Variants in TDRD12 observed in about 807,000 individuals in gnomAD.
TDRD12 encodes putative ATP-dependent RNA helicase TDRD12.
In TDRD12, 158 loss-of-function variants were observed where a neutral mutation model predicts 133.5. The observed-to-expected ratio is 1.18, with a 90% confidence interval of 1.04 to 1.35. The LOEUF is 1.35. TDRD12 is among the 40% of genes most tolerant of loss of function. The pLI is 0.00. For missense variants in TDRD12, 1,443 were observed against 1,321.3 expected (o/e 1.09, Z -1.43); for synonymous variants, 460 against 477.9 (o/e 0.96, Z 0.49).
rs1252239260 is a variant in TDRD12 at position 32,816,913 on chromosome 19, G to T, written c.3315-1176G>T. ...CATATGAGAAGGTGCTGGAACTCCT[G>T]AGTCATCAGGGAGATGCAGATGAAA... On this transcript the variant is annotated intron_variant, in intron 26 of 27. Coordinates refer to ENST00000444215, the Ensembl canonical transcript of TDRD12. Among the ~76,000 whole-genome samples, 4 of 152,304 alleles carry T rather than the reference G, an allele frequency of 2.6e-5. No individual in the cohort carries two copies. The East Asian group carries it at 7.7e-4, about 29-fold the overall frequency.
intron 8 of TDRD12, among the ~76,000 whole-genome samples, chr19:32,761,396 C>T (rs1599869835): frequency 6.6e-6 from 1 of 152,158 alleles, no homozygotes; most frequent in African/African-American, 2.4e-5. Flanking sequence ...TCCCAAAGTG[C>T]TGGGATTACA....
chr19:32,781,404 C>T (rs1269863313), intron 11 of TDRD12, among the ~76,000 whole-genome samples: 1 of 152,208 alleles, frequency 6.6e-6, no homozygotes, highest in African/African-American at 2.4e-5. Flanking sequence ...CTGAGATTCT[C>T]TGCATCTTTC....
At chr19:32,767,512 T>C (rs1970333019) in intron 8 of TDRD12, among the ~76,000 whole-genome samples, 1 of 152,340 alleles carries the variant, frequency 6.6e-6, no homozygotes, top group African/African-American at 2.4e-5. Flanking sequence ...TTCTTTCTTT[T>C]TTTGAAAGAA....
Position 32,813,781 on chromosome 19 carries a change from G to C in TDRD12, c.3141+5G>C. The stretch of plus-strand genomic sequence containing the variant: ...ACAGTTTGGATTGATCCAATGGTAA[G>C]TACGCATTTTTTCTTAGAAATAAAT... On this transcript the variant is annotated splice_donor_5th_base_variant and intron_variant, in intron 25 of 27. Transcript: ENST00000444215. The C allele has an allele frequency of 3.3e-6, 5 of 1,503,200 alleles. No individual in the cohort carries two copies. The highest frequency in any genetic ancestry group is 4.5e-6 in the Non-Finnish European group (5 of 1,122,174). 93.1% of individuals were successfully genotyped at this position (1,503,200 alleles called of 1,614,324 possible). A position where few individuals can be genotyped will look rare whatever the true frequency, so the allele number is the denominator to read the frequency against.
chr19:32,818,325 A>G (rs1275237799), intron 27 of TDRD12, among the ~76,000 whole-genome samples, 168 bp downstream of exon 27: 1 of 152,166 alleles, frequency 6.6e-6, no homozygotes, highest in Non-Finnish European at 1.5e-5. Flanking sequence ...GGAGCAGAAC[A>G]CAGAGACCCG....
At chr19:32,808,545 G>A (rs1966894768) in intron 22 of TDRD12, among the ~76,000 whole-genome samples, 3 of 151,806 alleles carry the variant, frequency 2.0e-5, no homozygotes, top group Non-Finnish European at 2.9e-5. Flanking sequence ...TTGGAGGGAG[G>A]GCCCACCTAG....
chr19:32,821,369 AGTGTGTGTGTGTGTGTGT>A (rs59054756), downstream of TDRD12: 87 of 351,580 alleles, frequency 2.5e-4, 1 homozygote, highest in South Asian at 2.4e-3. Context: ...AGCTCAGCAG[AGTGTGTGTGTGTGTGTGT>A]GTGTGTGTGT....
In TDRD12 at chr19:32,744,784, GCTC is replaced by G. The variant is rs568946406; in HGVS notation, c.440+1891_440+1893del. On this transcript the variant is annotated intron_variant, in intron 4 of 27. Transcript: ENST00000444215. Reference sequence around the variant, plus strand: ...CATCAGCCCCATCCTCCCACCCGGTGCTCCTCCTCTTCTCCCTTCCCGGGACGA... The same window carrying G: ...CATCAGCCCCATCCTCCCACCCGGTGCTCCTCTTCTCCCTTCCCGGGACGA... 7.3e-3 allele frequency among the ~76,000 whole-genome samples: 1,105 copies of G among 152,158 alleles called. 18 individuals are homozygous for G. The highest frequency in any genetic ancestry group is 6.9e-3 in the Non-Finnish European group (472 of 68,010).
At chr19:32,761,476 C>G (rs1213425405) in intron 8 of TDRD12, among the ~76,000 whole-genome samples, 1 of 152,008 alleles carries the variant, frequency 6.6e-6, no homozygotes, top group Non-Finnish European at 1.5e-5. Flanking sequence ...TCCTGGGTCT[C>G]CTTGATTTTC....
Position 32,772,750 on chromosome 19 carries a change from C to T in TDRD12, c.866-3C>T. ...CTTTTTTATTACCATTTTTATTTTG[C>T]AGACAAAGCTGTAAAATGTAATATG... On this transcript the variant is annotated splice_region_variant and splice_polypyrimidine_tract_variant and intron_variant, in intron 8 of 27. Transcript: ENST00000444215. 5 of 1,483,100 alleles carry T rather than the reference C, an allele frequency of 3.4e-6. No individual in the cohort carries two copies. The highest frequency in any genetic ancestry group is 5.2e-5 in the East Asian group (2 of 38,360). The allele number at this position is 1,483,100 out of a possible 1,614,324, so 91.9% of individuals were successfully genotyped here. A position where few individuals can be genotyped will look rare whatever the true frequency, so the allele number is the denominator to read the frequency against.
chr19:32,798,649 T>G (rs73035335), intron 16 of TDRD12, among the ~76,000 whole-genome samples: 16,260 of 152,268 alleles, frequency 0.11, 1,091 homozygotes, highest in Middle Eastern at 0.17. Context: ...CATTCTTTCC[T>G]AGAGATTTCC....
In TDRD12 at chr19:32,811,443, C is replaced by T; in HGVS notation, c.3048+23C>T. 3 of 1,516,446 alleles carry T rather than the reference C, an allele frequency of 2.0e-6. No homozygotes were observed. The African/African-American group carries it at 4.1e-5, about 21-fold the overall frequency. The allele number at this position is 1,516,446 out of a possible 1,614,324, so 93.9% of individuals were successfully genotyped here. A position where few individuals can be genotyped will look rare whatever the true frequency, so the allele number is the denominator to read the frequency against. On this transcript the variant is annotated intron_variant, in intron 24 of 27. Coordinates refer to ENST00000444215, the Ensembl canonical transcript of TDRD12. The stretch of plus-strand genomic sequence containing the variant: ...AAGGTGGGTGATTTTGGCTTTTTAT[C>T]TATTGTTGACTTTTAGAATATATTT...
At chr19:32,752,313 G>A (rs1231779371) in intron 6 of TDRD12, among the ~76,000 whole-genome samples, 3 of 152,102 alleles carry the variant, frequency 2.0e-5, no homozygotes, top group African/African-American at 4.8e-5. Context: ...CTGAGTAGCT[G>A]GGATAACAGG....
intron 8 of TDRD12, among the ~76,000 whole-genome samples, chr19:32,771,552 A>G (rs947988594): frequency 1.3e-5 from 2 of 148,226 alleles, no homozygotes; most frequent in East Asian, 1.9e-4. Context: ...TTTTATCTTC[A>G]TATCGTCAGA....
intron 1 of TDRD12, among the ~76,000 whole-genome samples, chr19:32,722,111 C>G (rs1324904222): frequency 6.6e-6 from 1 of 152,176 alleles, no homozygotes; most frequent in Non-Finnish European, 1.5e-5. Flanking sequence ...GAAGCTGACT[C>G]TTACAGAGAA....
chr19:32,756,914 C>T, intron 7 of TDRD12, 124 bp from the exon 8 acceptor site: 1 of 729,324 alleles, frequency 1.4e-6, no homozygotes, highest in Non-Finnish European at 2.4e-6. Context: ...ACCTTGTGTC[C>T]CCTAGTCAGG....
At chr19:32,726,140 G>C (rs1968852347) in intron 1 of TDRD12, among the ~76,000 whole-genome samples, 1 of 151,638 alleles carries the variant, frequency 6.6e-6, no homozygotes, top group Non-Finnish European at 1.5e-5. Context: ...GAATGCAGTG[G>C]TGCGATCTCA....
At chr19:32,783,306 C>CTGT (rs1333547612) in intron 11 of TDRD12, among the ~76,000 whole-genome samples, 1 of 152,142 alleles carries the variant, frequency 6.6e-6, no homozygotes, top group Non-Finnish European at 1.5e-5. Flanking sequence ...GGCCTGTGTT[C>CTGT]TGTTCCATTG....
At chr19:32,810,165 G>A in exon 23 of TDRD12, 1 of 1,534,996 alleles carries the variant, frequency 6.5e-7, no homozygotes, top group Non-Finnish European at 8.7e-7. Flanking sequence ...GGATCTTTAT[G>A]CAACTCTCAA....
Sources: allele counts gnomAD v4.1 joint callset (sites outside exome capture counted in the v4.1 genomes callset), GRCh38; gene constraint gnomAD v4.1.1; transcripts MANE v1.5; gene names NCBI Gene and HGNC (gene_info 2026-07-23, HGNC 2026-07-21).